ITGAE: variants seen among roughly 807,000 people sequenced by gnomAD.
The protein encoded by ITGAE is integrin subunit alpha E.
Under a neutral mutation model 136.5 loss-of-function variants are expected in ITGAE, and 99 were observed. That is an observed-to-expected ratio of 0.73 (90% CI 0.62 to 0.86). The LOEUF (loss-of-function observed/expected upper bound fraction) is 0.86, where lower values mean the gene tolerates loss of function less well. ITGAE is among the 40% of genes least tolerant of loss of function. The pLI is 0.00. For synonymous variants in ITGAE, 613 were observed against 591.8 expected (o/e 1.04, Z -0.52); for missense variants, 1,447 against 1,515.3 (o/e 0.95, Z 0.75).
intron 18 of ITGAE, 95 bp downstream of exon 18, chr17:3,745,669 T>C (rs1361442860): frequency 8.3e-7 from 1 of 1,200,610 alleles, no homozygotes; most frequent in African/African-American, 1.5e-5. Flanking sequence ...TCACCTCATT[T>C]GTAGGTCTGG....
chr17:3,762,627 T>C (rs2052202420), intron 3 of ITGAE, among the ~76,000 whole-genome samples: 1 of 146,198 alleles, frequency 6.8e-6, no homozygotes, highest in South Asian at 2.3e-4. Context: ...AGACAGAGTC[T>C]TGCTCTGTCG....
At chr17:3,722,363 C>T (rs944588391) in intron 28 of ITGAE, 5 of 151,582 alleles carry the variant, frequency 3.3e-5, no homozygotes, top group African/African-American at 1.2e-4. Flanking sequence ...CGCCTGTAAT[C>T]CCAGCTACTC....
intron 1 of ITGAE, among the ~76,000 whole-genome samples, chr17:3,789,431 TTTCCTTCC>T (rs1230140419): frequency 7.2e-5 from 11 of 151,772 alleles, no homozygotes; most frequent in African/African-American, 2.4e-4. Flanking sequence ...TCTTTTAAGT[TTTCCTTCC>T]TTCCTTCCTT....
In ITGAE at chr17:3,761,186, A is replaced by AC; in HGVS notation, c.434-10dup. On this transcript the variant is annotated splice_polypyrimidine_tract_variant and intron_variant, in intron 5 of 30. Coordinates refer to ENST00000263087, the MANE Select transcript of ITGAE (RefSeq NM_002208.5). Reference sequence around the variant, plus strand: ...TGGATCCAGGAGATTTTCTTTAAAAACACACATGGAAGAGCTCAGAGTCAG... The same window carrying AC: ...TGGATCCAGGAGATTTTCTTTAAAAACCACACATGGAAGAGCTCAGAGTCAG... 7.3e-7 allele frequency: 1 copy of AC among 1,364,666 alleles called. No homozygotes were observed. The highest frequency in any genetic ancestry group is 1.0e-6 in the Non-Finnish European group (1 of 969,730). 84.5% of individuals were successfully genotyped at this position (1,364,666 alleles called of 1,614,324 possible).
In ITGAE at chr17:3,744,059, G is replaced by A. The variant is rs115079490; in HGVS notation, c.2320-442C>T. Among the ~76,000 whole-genome samples the A allele has an allele frequency of 2.8e-3, 428 of 150,998 alleles. 5 individuals are homozygous for A. The highest frequency in any genetic ancestry group is 9.9e-3 in the African/African-American group (409 of 41,116). On this transcript the variant is annotated intron_variant, in intron 18 of 30. Coordinates refer to ENST00000263087, the MANE Select transcript of ITGAE (RefSeq NM_002208.5). ...TCTCACTCACTCTGTCACCCAGTCTGGAGGGCAGCAGCACCATGATGGCTC... is the reference window on the plus strand; with the variant it reads ...TCTCACTCACTCTGTCACCCAGTCTAGAGGGCAGCAGCACCATGATGGCTC...
Position 3,745,847 on chromosome 17 carries a change from T to G in ITGAE, c.2236A>C (p.Arg746=). 2 of 1,614,122 alleles carry G rather than the reference T, an allele frequency of 1.2e-6. No individual in the cohort carries two copies. Among genetic ancestry groups the G allele is most frequent in the Non-Finnish European group, 8.5e-7 (1 of 1,180,022 alleles). Residue 746 remains arginine, a synonymous_variant, in exon 18 of 31, where the codon AGA becomes CGA. Coordinates refer to ENST00000263087, the MANE Select transcript of ITGAE (RefSeq NM_002208.5). The part of the protein sequence containing the change: ...QRRRLQCSDV[R]SCLGCLREWS... ...TCCCTCAGGCAGCCCAGACAGCTTC[T>G]TACGTCTGAACACTGCAGCCGTCTC...
intron 15 of ITGAE, 138 bp from the exon 16 acceptor site, chr17:3,750,620 G>T: frequency 1.0e-6 from 1 of 1,000,128 alleles, no homozygotes; most frequent in Non-Finnish European, 1.4e-6. Flanking sequence ...CCAGGAAAGA[G>T]GGAGCAAGCT....
In ITGAE at chr17:3,749,253, T is replaced by G. The variant is rs963911950; in HGVS notation, c.2024+1099A>C. On this transcript the variant is annotated intron_variant, in intron 16 of 30. Transcript: ENST00000263087. ...AGGGTGGGGGGAGATAAAAGCTCTG[T>G]TTTTCTTTTTTTTTTTTTGGAGACG... 4.6e-5 allele frequency among the ~76,000 whole-genome samples: 7 copies of G among 151,382 alleles called. No homozygotes were observed. In the South Asian group the frequency reaches 1.1e-3, roughly 23 times the overall value.
intron 3 of ITGAE, among the ~76,000 whole-genome samples, chr17:3,762,510 T>C (rs946783412): frequency 6.6e-6 from 1 of 151,982 alleles, no homozygotes; most frequent in African/African-American, 2.4e-5. Context: ...TACTGTCTTA[T>C]TTTTCAGTCA....
chr17:3,723,406 A>C, intron 27 of ITGAE, 23 bp from the exon 28 acceptor site: 1 of 1,520,818 alleles, frequency 6.6e-7, no homozygotes, highest in South Asian at 1.1e-5. Flanking sequence ...GGTCTAGTGA[A>C]CACAATTCCT....
intron 1 of ITGAE, among the ~76,000 whole-genome samples, chr17:3,794,362 C>T (rs565043177): frequency 6.6e-6 from 1 of 152,200 alleles, no homozygotes; most frequent in African/African-American, 2.4e-5. Flanking sequence ...TCAAGTGATC[C>T]TCCAGTCTTG....
chr17:3,760,928 C>A, intron 6 of ITGAE, 85 bp downstream of exon 6: 1 of 1,509,728 alleles, frequency 6.6e-7, no homozygotes, highest in Non-Finnish European at 8.8e-7. Flanking sequence ...ATCTCTCAGA[C>A]TGAGGCACCC....
chr17:3,725,813 GA>G (rs760706485), intron 26 of ITGAE: 2 of 1,611,860 alleles, frequency 1.2e-6, no homozygotes, highest in South Asian at 2.2e-5. Context: ...CTACTGCAAA[GA>G]GCATTCTACA....
chr17:3,751,348 G>C (rs2051860121), intron 15 of ITGAE, among the ~76,000 whole-genome samples: 1 of 151,944 alleles, frequency 6.6e-6, no homozygotes, highest in African/African-American at 2.4e-5. Flanking sequence ...ACCCGAGGCA[G>C]GTGGGTGGAA....
chr17:3,787,175 G>C (rs933411616), intron 1 of ITGAE, among the ~76,000 whole-genome samples: 12 of 148,926 alleles, frequency 8.1e-5, no homozygotes, highest in Non-Finnish European at 1.8e-4. Context: ...GCAGTGGTGT[G>C]ATCTCGGCTC....
chr17:3,716,523 T>C (rs1202030678), intron 30 of ITGAE, among the ~76,000 whole-genome samples, 165 bp downstream of exon 30: 1 of 152,198 alleles, frequency 6.6e-6, no homozygotes, highest in Admixed American at 6.5e-5. Context: ...ACAGATACTG[T>C]TTTACTCATT....
intron 26 of ITGAE, chr17:3,726,654 C>A: frequency 3.9e-6 from 1 of 257,526 alleles, no homozygotes; most frequent in Non-Finnish European, 7.3e-6. Context: ...ATAGCAAGAC[C>A]CCTGTCTCTA....
At chr17:3,716,158 G>T (rs2050939491) in intron 30 of ITGAE, among the ~76,000 whole-genome samples, 4 of 140,980 alleles carry the variant, frequency 2.8e-5, no homozygotes, top group Admixed American at 2.8e-4. Flanking sequence ...GCGAAAGAGC[G>T]GAACTCCGTC....
intron 1 of ITGAE, among the ~76,000 whole-genome samples, chr17:3,785,802 A>G (rs1273281921): frequency 2.6e-5 from 4 of 151,524 alleles, no homozygotes; most frequent in African/African-American, 9.8e-5. Flanking sequence ...GAAAAAAAAA[A>G]GAGAACACAC....
Sources: gnomAD v4.1 joint callset for allele counts (sites outside exome capture counted in the v4.1 genomes callset) on GRCh38, gnomAD v4.1.1 for gene constraint, MANE v1.5 for transcripts, NCBI Gene and HGNC (gene_info 2026-07-23, HGNC 2026-07-21) for gene names.